GREB1L: variants seen among roughly 807,000 people sequenced by gnomAD.
GREB1L encodes GREB1 like retinoic acid receptor coactivator.
Under a neutral mutation model 200.8 loss-of-function variants are expected in GREB1L, and 17 were observed. That is an observed-to-expected ratio of 0.08 (90% CI 0.06 to 0.13). GREB1L has a LOEUF of 0.13. Among genes scored for constraint, GREB1L ranks in the 10% least tolerant of loss-of-function variants. The probability of loss-of-function intolerance (pLI) is 1.00; values close to 1 mark genes in which losing one functional copy is unlikely to be tolerated. For synonymous variants in GREB1L, 789 were observed against 893.0 expected (o/e 0.88, Z 2.08); for missense variants, 1,657 against 2,367.7 (o/e 0.70, Z 6.23).
chr18:21,268,255 G>A (rs542301866), intron 1 of GREB1L, among the ~76,000 whole-genome samples: 79 of 151,932 alleles, frequency 5.2e-4, no homozygotes, highest in African/African-American at 1.5e-3. Flanking sequence ...GTGTGGGAAA[G>A]GGAGAAGTGT....
intron 7 of GREB1L, among the ~76,000 whole-genome samples, chr18:21,424,975 TGTATCA>T (rs1409412530): frequency 6.6e-6 from 1 of 152,250 alleles, no homozygotes; most frequent in Admixed American, 6.5e-5. Context: ...TATCGTAGTA[TGTATCA>T]GTACTTTATT....
At chr18:21,492,262 C>T (rs1439058481) in intron 19 of GREB1L, among the ~76,000 whole-genome samples, 2 of 151,480 alleles carry the variant, frequency 1.3e-5, no homozygotes, top group Non-Finnish European at 2.9e-5. Context: ...AGGAGAATGG[C>T]GTGAACCCGG....
At chr18:21,268,290 C>T (rs1183872228) in intron 1 of GREB1L, among the ~76,000 whole-genome samples, 2 of 151,410 alleles carry the variant, frequency 1.3e-5, no homozygotes, top group African/African-American at 2.4e-5. Context: ...GGCACATTGC[C>T]GTGTGCCAAG....
At chr18:21,263,569 G>T (rs539394841) in intron 1 of GREB1L, among the ~76,000 whole-genome samples, 99 of 152,240 alleles carry the variant, frequency 6.5e-4, no homozygotes, top group Non-Finnish European at 1.1e-3. Flanking sequence ...AATTTTCAAT[G>T]ACTTAAGTTT....
intron 1 of GREB1L, among the ~76,000 whole-genome samples, chr18:21,281,136 G>T (rs1414636923): frequency 2.0e-5 from 3 of 152,230 alleles, no homozygotes; most frequent in Non-Finnish European, 4.4e-5. Context: ...TCTGGGGATT[G>T]ATCTGACTTT....
intron 7 of GREB1L, among the ~76,000 whole-genome samples, chr18:21,415,728 AAGAT>A (rs1378601823): frequency 1.3e-5 from 2 of 152,252 alleles, no homozygotes; most frequent in Non-Finnish European, 2.9e-5. Flanking sequence ...CATCAGGCAT[AAGAT>A]AGAGCACTTA....
chr18:21,278,327 C>T (rs950517268), intron 1 of GREB1L, among the ~76,000 whole-genome samples: 1 of 149,090 alleles, frequency 6.7e-6, no homozygotes, highest in Non-Finnish European at 1.5e-5. Context: ...TTTCAGTGAG[C>T]CGAGATCGTG....
At chr18:21,279,934 C>T (rs1678670720) in intron 1 of GREB1L, among the ~76,000 whole-genome samples, 1 of 152,138 alleles carries the variant, frequency 6.6e-6, no homozygotes, top group Non-Finnish European at 1.5e-5. Context: ...TACAGAGGCT[C>T]CCAAATATAC....
chr18:21,252,876 A>T (rs1055226209), intron 1 of GREB1L, among the ~76,000 whole-genome samples: 1 of 152,176 alleles, frequency 6.6e-6, no homozygotes, highest in African/African-American at 2.4e-5. Context: ...CCCAAAAAAG[A>T]AAGTTTTATT....
At chr18:21,454,585 G>A (rs758010694) in intron 15 of GREB1L, 22 bp downstream of exon 15, 18 of 1,530,068 alleles carry the variant, frequency 1.2e-5, no homozygotes, top group Non-Finnish European at 1.4e-5. Flanking sequence ...CTTTCAAAGA[G>A]GAGCCCACCT....
At chr18:21,316,531 A>C (rs915651070) in intron 1 of GREB1L, among the ~76,000 whole-genome samples, 1 of 152,318 alleles carries the variant, frequency 6.6e-6, no homozygotes, top group African/African-American at 2.4e-5. Flanking sequence ...AACATCAAGC[A>C]CAGAGATGGT....
chr18:21,434,936 T>G (rs757884830), intron 7 of GREB1L: 2 of 152,636 alleles, frequency 1.3e-5, no homozygotes, highest in Non-Finnish European at 2.9e-5. Context: ...ACAAACTCTT[T>G]CATTTTAAAG....
intron 4 of GREB1L, among the ~76,000 whole-genome samples, chr18:21,390,315 A>C (rs900308106): frequency 5.9e-5 from 9 of 152,234 alleles, no homozygotes; most frequent in Non-Finnish European, 1.3e-4. Flanking sequence ...AGTTTACTGT[A>C]AAACAGCCTC....
chr18:21,399,013 C>T (rs2041200600), intron 5 of GREB1L, among the ~76,000 whole-genome samples: 1 of 152,180 alleles, frequency 6.6e-6, no homozygotes, highest in Non-Finnish European at 1.5e-5. Context: ...GTTAACTCAT[C>T]ATTAATGTGA....
chr18:21,245,818 C>T (rs1424721093), intron 1 of GREB1L, among the ~76,000 whole-genome samples: 4 of 152,086 alleles, frequency 2.6e-5, no homozygotes, highest in East Asian at 3.9e-4. Context: ...TCCGGGTTCA[C>T]GCCATTCTCC....
At chr18:21,386,167 A>G (rs559600099) in intron 4 of GREB1L, among the ~76,000 whole-genome samples, 40 of 152,236 alleles carry the variant, frequency 2.6e-4, no homozygotes, top group Non-Finnish European at 4.3e-4. Flanking sequence ...CTACACTTAG[A>G]TTCCTGTATC....
chr18:21,421,166 G>A (rs540452790), intron 7 of GREB1L, among the ~76,000 whole-genome samples: 4 of 152,200 alleles, frequency 2.6e-5, no homozygotes, highest in Non-Finnish European at 5.9e-5. Flanking sequence ...AGGAAACGTG[G>A]GGATGATAAA....
At chr18:21,258,057 T>C (rs2037829586) in intron 1 of GREB1L, among the ~76,000 whole-genome samples, 2 of 152,202 alleles carry the variant, frequency 1.3e-5, no homozygotes, top group African/African-American at 4.8e-5. Flanking sequence ...TGTCATACTC[T>C]TGGGTACCTG....
chr18:21,397,543 AT>A (rs1296849853), intron 5 of GREB1L, among the ~76,000 whole-genome samples: 15 of 139,920 alleles, frequency 1.1e-4, no homozygotes, highest in Middle Eastern at 4.0e-3. Flanking sequence ...AAAAAAAAAA[AT>A]AATAATAATA....
Sources: allele counts gnomAD v4.1 joint callset (sites outside exome capture counted in the v4.1 genomes callset), GRCh38; gene constraint gnomAD v4.1.1; transcripts MANE v1.5; gene names NCBI Gene and HGNC (gene_info 2026-07-23, HGNC 2026-07-21).